ZNF768: variants seen among roughly 807,000 people sequenced by gnomAD.
ZNF768 encodes the protein zinc finger protein 768.
ZNF768 carries 12 observed loss-of-function variants against 39.7 expected under a neutral mutation model. The ratio of observed to expected loss-of-function variants is 0.30; its 90% confidence interval spans 0.19 to 0.49. The LOEUF (loss-of-function observed/expected upper bound fraction) is 0.49, where lower values mean the gene tolerates loss of function less well. ZNF768 is among the 20% of genes least tolerant of loss of function. ZNF768 has a pLI of 0.99. For synonymous variants in ZNF768, 360 were observed against 288.4 expected (o/e 1.25, Z -2.52); for missense variants, 613 against 723.2 (o/e 0.85, Z 1.75).
chr16:30,526,837 G>A (rs1415751350), upstream of ZNF768: 3 of 659,594 alleles, frequency 4.5e-6, no homozygotes, highest in African/African-American at 6.4e-5. Context: ...TCCGCGGCCA[G>A]GTCCCCCCGC....
chr16:30,525,744 G>A lies in ZNF768; in HGVS notation c.396C>T (p.Ser132=), dbSNP rs948022986. 3 of 1,605,550 alleles carry A rather than the reference G, an allele frequency of 1.9e-6. No homozygotes were observed. Among genetic ancestry groups the A allele is most frequent in the East Asian group, 2.2e-5 (1 of 44,810 alleles). Residue 132 remains serine, a synonymous_variant, in exon 2 of 2, where the codon AGC becomes AGT. Transcript: ENST00000380412. ...EPQSPGYEPR[S]PGYEPRSPGY... is the part of the protein sequence containing the mutation. ...CAGGGCTCCGGGGTTCATACCCGGG[G>A]CTCCGAGGTTCATAGCCAGGGCTTT...
chr16:30,524,760 G>A lies in ZNF768; in HGVS notation c.1380C>T (p.Pro460=), dbSNP rs763981973. 6.2e-7 allele frequency: 1 copy of A among 1,611,328 alleles called. No homozygotes were observed. Among genetic ancestry groups the A allele is most frequent in the Admixed American group, 1.7e-5 (1 of 59,812 alleles). ...THLPGRTYSC[P]DCGKTFNRSS... ...AGCGATTGAAGGTCTTGCCGCAGTC[G>A]GGGCAGCTGTAGGTGCGGCCTGGCA... The change falls in exon 2 of 2, where the codon CCC becomes CCT. Residue 460 remains proline (P), a synonymous_variant. Transcript: ENST00000380412.
At chr16:30,531,134 T>C (rs1400963051), upstream of ZNF768, 1 of 152,216 alleles carries the variant, frequency 6.6e-6, no homozygotes, top group Non-Finnish European at 1.5e-5. Context: ...GTTCAAGAAA[T>C]ACTTCCCTTT....
At chr16:30,527,446 C>G (rs893489187), upstream of ZNF768, 1 of 466,874 alleles carries the variant, frequency 2.1e-6, no homozygotes, top group Non-Finnish European at 2.8e-6. Flanking sequence ...GGCTCGTGCT[C>G]TAGCCGCCCC....
intron 1 of ZNF768, 115 bp downstream of exon 1, chr16:30,526,211 C>G: frequency 6.5e-7 from 1 of 1,542,676 alleles, no homozygotes; most frequent in East Asian, 2.5e-5. Context: ...CAGTCCCCGC[C>G]GGCCCCTCCT....
chr16:30,527,383 G>A (rs2051337335), upstream of ZNF768: 1 of 921,810 alleles, frequency 1.1e-6, no homozygotes, highest in Non-Finnish European at 1.3e-6. Flanking sequence ...CCCCGCCCCG[G>A]CTCCCAGAGG....
rs559554524 is a variant in ZNF768, at chr16:30,524,266, C to T, written c.*251G>A. On this transcript the variant is annotated 3_prime_UTR_variant, in exon 2 of 2. Transcript: ENST00000380412. ...AAGCCAGGCACCCACCAAGGAGCCGCGGCTGAGGCCAGCCCTCCGCTGACC... is the reference window on the plus strand; with the variant it reads ...AAGCCAGGCACCCACCAAGGAGCCGTGGCTGAGGCCAGCCCTCCGCTGACC... 4 of 527,520 alleles carry T rather than the reference C, an allele frequency of 7.6e-6. No homozygotes were observed. Among genetic ancestry groups the T allele is most frequent in the South Asian group, 3.5e-5 (1 of 28,756 alleles). The allele number at this position is 527,520 out of a possible 1,614,324, so 32.7% of individuals were successfully genotyped here. A position where few individuals can be genotyped will look rare whatever the true frequency, so the allele number is the denominator to read the frequency against.
At chr16:30,529,065 A>T (rs2051350116), upstream of ZNF768, among the ~76,000 whole-genome samples, 1 of 152,220 alleles carries the variant, frequency 6.6e-6, no homozygotes, top group Non-Finnish European at 1.5e-5. Context: ...CCTCACTGGC[A>T]CCTGGAGTAA....
Position 30,526,026 on chromosome 16 carries a change from C to T in ZNF768, c.114G>A (p.Glu38=), listed in dbSNP as rs746001206. ...LRGNMSENEE[E]EISQQEGSGD... is the part of the protein sequence containing the mutation. ...CACTGCCTTCTTGCTGAGAAATTTC[C>T]TCTTCCTCATTCTCACTCATGTTGC... Residue 38 remains glutamate, a synonymous_variant, in exon 2 of 2, where the codon GAG becomes GAA. Transcript: ENST00000380412. 1 of 1,496,840 alleles carries T rather than the reference C, an allele frequency of 6.7e-7. No homozygotes were observed. The highest frequency in any genetic ancestry group is 1.4e-5 in the South Asian group (1 of 70,518). The allele number at this position is 1,496,840 out of a possible 1,614,324, so 92.7% of individuals were successfully genotyped here.
At chr16:30,529,215 C>A (rs767336797), upstream of ZNF768, among the ~76,000 whole-genome samples, 2 of 152,250 alleles carry the variant, frequency 1.3e-5, no homozygotes, top group Non-Finnish European at 2.9e-5. Context: ...CTGATAAGGG[C>A]TGCATCTTGA....
At position 30,524,202 on chromosome 16, in the gene ZNF768, A is replaced by C; in HGVS notation, c.*315T>G. On this transcript the variant is annotated 3_prime_UTR_variant, in exon 2 of 2. Transcript: ENST00000380412. The stretch of plus-strand genomic sequence containing the variant: ...CTAAGCTAACCCACTCTAATTAGGT[A>C]ATCCCCTGCCCTCCCCCCTCCCTGC... 6.9e-6 allele frequency: 2 copies of C among 290,076 alleles called. No homozygotes were observed. The highest frequency in any genetic ancestry group is 1.3e-5 in the Non-Finnish European group (2 of 152,718). The allele number at this position is 290,076 out of a possible 1,614,324, so 18.0% of individuals were successfully genotyped here.
upstream of ZNF768, chr16:30,527,097 CGAG>C: frequency 1.0e-6 from 1 of 985,374 alleles, no homozygotes; most frequent in Non-Finnish European, 1.2e-6. Context: ...CCAAGGTCAG[CGAG>C]AAGGAGCGAC....
upstream of ZNF768, chr16:30,526,612 G>A (rs1567499617): frequency 1.0e-6 from 1 of 1,003,520 alleles, no homozygotes; most frequent in Non-Finnish European, 1.2e-6. Flanking sequence ...CCTGCCCGCG[G>A]CCCCGCCCCC....
In ZNF768 at chr16:30,524,367, A is replaced by G; in HGVS notation, c.*150T>C. ...CCCACTTCCCACAAGTCTCCAGGGC[A>G]TGTCACTTCCTCCACCCTGGTTCTC... On this transcript the variant is annotated 3_prime_UTR_variant, in exon 2 of 2. Transcript: ENST00000380412. 3.9e-6 allele frequency: 5 copies of G among 1,281,324 alleles called. No homozygotes were observed. Among genetic ancestry groups the G allele is most frequent in the Non-Finnish European group, 5.2e-6 (5 of 958,068 alleles). 79.4% of individuals were successfully genotyped at this position (1,281,324 alleles called of 1,614,324 possible). A position where few individuals can be genotyped will look rare whatever the true frequency, so the allele number is the denominator to read the frequency against.
At chr16:30,527,293 G>GC, upstream of ZNF768, 2 of 986,146 alleles carry the variant, frequency 2.0e-6, no homozygotes, top group Non-Finnish European at 2.4e-6. Context: ...CGTTCCTCCG[G>GC]CCCCCACCCA....
upstream of ZNF768, chr16:30,528,045 G>T (rs183844114): frequency 2.6e-5 from 4 of 152,186 alleles, no homozygotes; most frequent in East Asian, 7.7e-4. Context: ...TCTACGCTTC[G>T]TGCTGAAACA....
chr16:30,526,717 C>T (rs1167918886), upstream of ZNF768: 4 of 759,722 alleles, frequency 5.3e-6, no homozygotes, highest in South Asian at 1.2e-4. Flanking sequence ...CGGCCCCCGG[C>T]CCCCGCTCCC....
At chr16:30,532,185 G>C in the ZNF768 span, 2 of 454,288 alleles carry the variant, frequency 4.4e-6, no homozygotes, top group African/African-American at 4.0e-5. Flanking sequence ...AGACAACAGA[G>C]AAAACAAGGT....
chr16:30,526,243 C>T, intron 1 of ZNF768, 83 bp downstream of exon 1: 4 of 1,583,712 alleles, frequency 2.5e-6, no homozygotes, highest in Non-Finnish European at 3.4e-6. Flanking sequence ...GTGTCCCAGC[C>T]CCGGGCCCTC....
Sources: gnomAD v4.1 joint callset for allele counts (sites outside exome capture counted in the v4.1 genomes callset) on GRCh38, gnomAD v4.1.1 for gene constraint, MANE v1.5 for transcripts, NCBI Gene and HGNC (gene_info 2026-07-23, HGNC 2026-07-21) for gene names.